The following RYR2 variants were observed in gnomAD, a reference collection of about 807,000 sequenced individuals.
RYR2 encodes the protein cardiac muscle ryanodine receptor-calcium release channel.
In RYR2, 227 loss-of-function variants were observed where a neutral mutation model predicts 601.1. The observed-to-expected ratio is 0.38, with a 90% CI of 0.34 to 0.42. The LOEUF (loss-of-function observed/expected upper bound fraction) is 0.42. RYR2 is among the 10% of genes least tolerant of loss of function. RYR2 has a pLI of 1.00. For missense variants in RYR2, 4,646 were observed against 6,156.5 expected (o/e 0.75, Z 8.21); for synonymous variants, 2,223 against 2,175.1 (o/e 1.02, Z -0.61).
chr1:237,620,296 T>C (rs1678933162), intron 38 of RYR2, among the ~76,000 whole-genome samples: 1 of 152,122 alleles, frequency 6.6e-6, no homozygotes, highest in Non-Finnish European at 1.5e-5. Context: ...TAGGTATGTA[T>C]ATAAAATAAT....
chr1:237,550,787 G>C, intron 27 of RYR2, 96 bp downstream of exon 27: 4 of 1,297,320 alleles, frequency 3.1e-6, no homozygotes, highest in Non-Finnish European at 3.1e-6. Flanking sequence ...ACTGGATAGA[G>C]TCCTCTAGTC....
chr1:237,055,375 G>C (rs1364737579), intron 1 of RYR2, among the ~76,000 whole-genome samples: 1 of 152,140 alleles, frequency 6.6e-6, no homozygotes, highest in Non-Finnish European at 1.5e-5. Flanking sequence ...TAATGGGGCA[G>C]CAATTTATAA....
intron 1 of RYR2, among the ~76,000 whole-genome samples, chr1:237,072,947 C>CAAAAAA (rs34070186): frequency 9.6e-6 from 1 of 104,202 alleles, no homozygotes; most frequent in Admixed American, 1.1e-4. Context: ...GACTCCATCT[C>CAAAAAA]AAAAAAAAAA....
In RYR2 at chr1:237,454,373, G is replaced by A. The variant is rs1572400333; in HGVS notation, c.1293-18G>A. Reference sequence around the variant, plus strand: ...TGTGAATCACTGACAATAGAGAAATGTTTATGGTTTATTTTAGGGGCCTTG... The same window carrying A: ...TGTGAATCACTGACAATAGAGAAATATTTATGGTTTATTTTAGGGGCCTTG... On this transcript the variant is annotated intron_variant, in intron 14 of 104. Coordinates refer to ENST00000366574, the MANE Select transcript of RYR2 (RefSeq NM_001035.3). The A allele has an allele frequency of 1.9e-6, 3 of 1,579,506 alleles. No individual in the cohort carries two copies. Among genetic ancestry groups the A allele is most frequent in the Non-Finnish European group, 2.6e-6 (3 of 1,166,854 alleles).
At chr1:237,431,574 TTATTA>T (rs1706810041) in intron 12 of RYR2, among the ~76,000 whole-genome samples, 1 of 152,198 alleles carries the variant, frequency 6.6e-6, no homozygotes, top group Non-Finnish European at 1.5e-5. Context: ...TGCAGCTACT[TTATTA>T]TATTTGAATA....
chr1:237,525,987 A>AT (rs200382390), intron 24 of RYR2, among the ~76,000 whole-genome samples: 3,350 of 151,086 alleles, frequency 0.022, 50 homozygotes, highest in East Asian at 0.064. Flanking sequence ...CAAAAAAAAA[A>AT]AATAATAATA....
intron 2 of RYR2, among the ~76,000 whole-genome samples, chr1:237,287,318 A>T (rs954557381): frequency 1.1e-4 from 16 of 152,140 alleles, no homozygotes; most frequent in Admixed American, 2.0e-4. Context: ...TGAATTTCCC[A>T]GGTGATCTTT....
At chr1:237,250,509 T>C (rs1040435421) in intron 1 of RYR2, among the ~76,000 whole-genome samples, 2 of 152,218 alleles carry the variant, frequency 1.3e-5, no homozygotes, top group African/African-American at 4.8e-5. Flanking sequence ...TTAAGTCTTG[T>C]CCTCGTGTCT....
chr1:237,284,351 G>A (rs536863333), intron 2 of RYR2, among the ~76,000 whole-genome samples: 200 of 146,666 alleles, frequency 1.4e-3, no homozygotes, highest in African/African-American at 4.8e-3. Context: ...CTGCACTCCT[G>A]CCTGGGCGAC....
intron 42 of RYR2, among the ~76,000 whole-genome samples, chr1:237,632,083 T>C (rs1348934671): frequency 2.6e-5 from 4 of 152,172 alleles, no homozygotes; most frequent in Admixed American, 6.5e-5. Flanking sequence ...TCCTGTCTTA[T>C]ACTGTGTAAT....
chr1:237,741,785 A>G (rs899225026), intron 79 of RYR2, among the ~76,000 whole-genome samples: 12 of 152,070 alleles, frequency 7.9e-5, no homozygotes, highest in African/African-American at 2.4e-4. Context: ...TATTTTTAGT[A>G]GAGACAGGGT....
intron 1 of RYR2, among the ~76,000 whole-genome samples, chr1:237,250,016 GA>G (rs754554317): frequency 1.3e-5 from 2 of 152,354 alleles, no homozygotes; most frequent in South Asian, 2.1e-4. Flanking sequence ...TTTACACTTT[GA>G]TCCTGTAGAA....
At chr1:237,446,512 T>C (rs1258030762) in intron 14 of RYR2, among the ~76,000 whole-genome samples, 1 of 151,698 alleles carries the variant, frequency 6.6e-6, no homozygotes, top group African/African-American at 2.4e-5. Flanking sequence ...TGGGAAAGAA[T>C]TTGAAAGGAT....
At chr1:237,770,931 A>C (rs1694220505) in intron 85 of RYR2, 44 bp downstream of exon 85, 1 of 1,224,802 alleles carries the variant, frequency 8.2e-7, no homozygotes, top group Non-Finnish European at 1.2e-6. Flanking sequence ...AGGCATAAAT[A>C]ATGTTTTCAA....
chr1:237,558,195 A>G (rs1006345215), intron 27 of RYR2, among the ~76,000 whole-genome samples: 1 of 152,190 alleles, frequency 6.6e-6, no homozygotes, highest in Non-Finnish European at 1.5e-5. Flanking sequence ...GGAAAGAAGT[A>G]AAGATTGAAG....
chr1:237,387,450 T>A, intron 9 of RYR2, 70 bp downstream of exon 9: 1 of 1,360,856 alleles, frequency 7.3e-7, no homozygotes, highest in East Asian at 2.3e-5. Context: ...GGAATTGTGA[T>A]AATGAGCTGA....
At chr1:237,564,956 C>T (rs1228407165) in intron 27 of RYR2, among the ~76,000 whole-genome samples, 9 of 152,098 alleles carry the variant, frequency 5.9e-5, no homozygotes, top group Admixed American at 5.2e-4. Context: ...TTATTGGCAA[C>T]CTTTAGTGCT....
rs574098023 is a variant in RYR2 at position 237,308,499 on chromosome 1, G to T, written c.169-22379G>T. On this transcript the variant is annotated intron_variant, in intron 2 of 104. Transcript: ENST00000366574. ...ATCTGGATTTGTGTCTGGAATTGGT[G>T]GGTTCTTGGTCTCAATGACTTCAAG... is the stretch of plus-strand genomic sequence containing the variant. 2.4e-4 allele frequency among the ~76,000 whole-genome samples: 36 copies of T among 152,288 alleles called. 1 individual carries two copies. In the South Asian group the frequency reaches 7.3e-3, roughly 31 times the overall value.
In RYR2 at chr1:237,374,700, G is replaced by C. The variant is rs1336886917; in HGVS notation, c.385-17G>C. 1 of 1,601,666 alleles carries C rather than the reference G, an allele frequency of 6.2e-7. No homozygotes were observed. Among genetic ancestry groups the C allele is most frequent in the East Asian group, 2.2e-5 (1 of 44,708 alleles). On this transcript the variant is annotated splice_polypyrimidine_tract_variant and intron_variant, in intron 6 of 104. Transcript: ENST00000366574. ...AACAAAACCTCTACTTACAACTACT[G>C]ATTTTGTACTTTGTAGTATCTGTGC...
Sources: gnomAD v4.1 joint callset for allele counts (sites outside exome capture counted in the v4.1 genomes callset) on GRCh38, gnomAD v4.1.1 for gene constraint, MANE v1.5 for transcripts, NCBI Gene and HGNC (gene_info 2026-07-23, HGNC 2026-07-21) for gene names.